Variants in EYA1 observed in about 807,000 individuals in gnomAD.
EYA1 encodes EYA transcriptional coactivator and phosphatase 1, also known as protein phosphatase EYA1.
In EYA1, 16 loss-of-function variants were observed where a neutral mutation model predicts 82.0. That is an observed-to-expected ratio of 0.20 (90% CI 0.13 to 0.30). The LOEUF is 0.30. EYA1 is among the 10% of genes least tolerant of loss of function. The pLI is 1.00. For missense variants in EYA1, 633 were observed against 730.7 expected (o/e 0.87, Z 1.54); for synonymous variants, 261 against 264.4 (o/e 0.99, Z 0.12).
At chr8:71,524,927 C>T (rs569251883) in intron 2 of EYA1, among the ~76,000 whole-genome samples, 12 of 152,278 alleles carry the variant, frequency 7.9e-5, no homozygotes, top group Admixed American at 6.5e-4. Flanking sequence ...GTTTTTGTTT[C>T]GGAATACTGC....
chr8:71,452,546 G>A (rs1385983540), intron 2 of EYA1, among the ~76,000 whole-genome samples: 4 of 152,042 alleles, frequency 2.6e-5, no homozygotes, highest in East Asian at 1.9e-4. Context: ...CACCTCACAC[G>A]ACTGGGTACC....
chr8:71,472,742 C>A (rs933673323), intron 2 of EYA1, among the ~76,000 whole-genome samples: 1 of 145,090 alleles, frequency 6.9e-6, no homozygotes. Context: ...ACCAGTATAC[C>A]ATGCAAGTAT....
chr8:71,235,952 A>C (rs1278212789), intron 12 of EYA1, among the ~76,000 whole-genome samples: 1 of 152,194 alleles, frequency 6.6e-6, no homozygotes, highest in African/African-American at 2.4e-5. Flanking sequence ...GATCACTTTT[A>C]AACTTGAAAA....
intron 2 of EYA1, among the ~76,000 whole-genome samples, chr8:71,485,459 G>T (rs1048832061): frequency 1.3e-5 from 2 of 152,068 alleles, no homozygotes; most frequent in African/African-American, 4.8e-5. Flanking sequence ...TAAATCTCCA[G>T]TCCCATATCC....
chr8:71,510,331 C>T (rs913731699), intron 2 of EYA1, among the ~76,000 whole-genome samples: 1 of 152,150 alleles, frequency 6.6e-6, no homozygotes, highest in African/African-American at 2.4e-5. Context: ...CCAGCAGTTG[C>T]TTGAGCATGA....
intron 2 of EYA1, among the ~76,000 whole-genome samples, chr8:71,503,609 G>A (rs762514167): frequency 9.9e-5 from 15 of 151,978 alleles, no homozygotes; most frequent in African/African-American, 1.2e-4. Context: ...TTATGACATC[G>A]CCAAAATAAA....
chr8:71,517,572 A>AG (rs961608344), intron 2 of EYA1, among the ~76,000 whole-genome samples: 19 of 151,862 alleles, frequency 1.3e-4, no homozygotes, highest in African/African-American at 4.6e-4. Flanking sequence ...CCTTTTACCC[A>AG]GGTTTCTCAT....
At chr8:71,345,244 G>A (rs1170690748) in intron 3 of EYA1, among the ~76,000 whole-genome samples, 1 of 152,238 alleles carries the variant, frequency 6.6e-6, no homozygotes, top group East Asian at 1.9e-4. Context: ...CTACAGCAAA[G>A]AAGGCAGAGG....
chr8:71,416,411 C>T (rs1830856077), intron 2 of EYA1, among the ~76,000 whole-genome samples: 1 of 152,154 alleles, frequency 6.6e-6, no homozygotes, highest in African/African-American at 2.4e-5. Flanking sequence ...AATTCTATCT[C>T]CTGCTGGGAT....
At chr8:71,514,909 T>C (rs1812855096) in intron 2 of EYA1, among the ~76,000 whole-genome samples, 1 of 152,174 alleles carries the variant, frequency 6.6e-6, no homozygotes. Context: ...GTACAATTTT[T>C]ATAGAAATAT....
chr8:71,238,147 C>T (rs1812066382), intron 12 of EYA1, among the ~76,000 whole-genome samples: 1 of 151,994 alleles, frequency 6.6e-6, no homozygotes, highest in Admixed American at 6.6e-5. Context: ...TAACTGTTTA[C>T]CTATTTTAGC....
At chr8:71,458,308 A>G (rs1364338228) in intron 2 of EYA1, among the ~76,000 whole-genome samples, 1 of 152,118 alleles carries the variant, frequency 6.6e-6, no homozygotes, top group Non-Finnish European at 1.5e-5. Context: ...TAAGAATACC[A>G]GGTGTTAAGA....
At position 71,210,812 on chromosome 8, in the gene EYA1, G is replaced by A. The variant is rs79178549; in HGVS notation, c.1698+344C>T. Among the ~76,000 whole-genome samples, 5,215 of 152,308 alleles carry A rather than the reference G, an allele frequency of 0.034. 237 individuals are homozygous for A. The highest frequency in any genetic ancestry group is 0.11 in the African/African-American group (4,431 of 41,550). On this transcript the variant is annotated intron_variant, in intron 17 of 17. Transcript: ENST00000340726. ...GGCTGCGTCCAGGCTCAGGTAACAA[G>A]GTTTGAACCACCTGGCATGTCTGCC...
At chr8:71,203,704 C>T (rs1363159869) in intron 17 of EYA1, among the ~76,000 whole-genome samples, 1 of 152,182 alleles carries the variant, frequency 6.6e-6, no homozygotes, top group South Asian at 2.1e-4. Flanking sequence ...AACACTTCCT[C>T]AGTGCCAAGA....
chr8:71,406,496 G>A (rs1177199340), intron 2 of EYA1, among the ~76,000 whole-genome samples: 1 of 152,202 alleles, frequency 6.6e-6, no homozygotes, highest in Non-Finnish European at 1.5e-5. Context: ...CCAGACAGTG[G>A]GCGCAGGCCA....
chr8:71,449,529 C>T (rs1252205328), intron 2 of EYA1, among the ~76,000 whole-genome samples: 1 of 152,278 alleles, frequency 6.6e-6, no homozygotes, highest in Non-Finnish European at 1.5e-5. Flanking sequence ...TTTAAAAAAC[C>T]AAGCTATGGA....
intron 9 of EYA1, among the ~76,000 whole-genome samples, chr8:71,293,149 G>C (rs974520066): frequency 3.3e-5 from 5 of 152,042 alleles, no homozygotes; most frequent in African/African-American, 1.2e-4. Flanking sequence ...ATAAAGAAAT[G>C]TTATGAACAA....
chr8:71,535,429 T>A (rs948729009), intron 2 of EYA1, among the ~76,000 whole-genome samples: 1 of 152,232 alleles, frequency 6.6e-6, no homozygotes, highest in African/African-American at 2.4e-5. Context: ...GGCAAATATA[T>A]GCTTTCCCTG....
intron 2 of EYA1, among the ~76,000 whole-genome samples, chr8:71,510,493 C>T (rs1193175628): frequency 2.0e-5 from 3 of 152,178 alleles, no homozygotes; most frequent in Non-Finnish European, 4.4e-5. Flanking sequence ...AGAGAGGCCT[C>T]AGGAAACTTA....
Sources: gnomAD v4.1 joint callset for allele counts (sites outside exome capture counted in the v4.1 genomes callset) on GRCh38, gnomAD v4.1.1 for gene constraint, MANE v1.5 for transcripts, NCBI Gene and HGNC (gene_info 2026-07-23, HGNC 2026-07-21) for gene names.